Variants in RARB observed in about 807,000 individuals in gnomAD.
RARB encodes retinoic acid receptor beta.
RARB carries 17 observed loss-of-function variants against 51.9 expected under a neutral mutation model. That is an observed-to-expected ratio of 0.33 (90% CI 0.22 to 0.49). The LOEUF is 0.49. RARB is among the 20% of genes least tolerant of loss of function. The pLI, the probability that RARB is intolerant of heterozygous loss-of-function variation, is 0.99. For synonymous variants in RARB, 215 were observed against 195.4 expected, an observed-to-expected ratio of 1.10 and a Z score of -0.84; for missense variants, 369 against 550.8, an observed-to-expected ratio of 0.67 and a Z score of 3.30.
intron 5 of RARB, among the ~76,000 whole-genome samples, chr3:25,206,377 T>C (rs1247874246): frequency 6.6e-6 from 1 of 152,226 alleles, no homozygotes; most frequent in Non-Finnish European, 1.5e-5. Context: ...ATTACTCAGG[T>C]GACATTTTAA....
chr3:25,017,904 C>G (rs1186825023), intron 2 of RARB, among the ~76,000 whole-genome samples: 1 of 152,006 alleles, frequency 6.6e-6, no homozygotes, highest in South Asian at 2.1e-4. Context: ...AGGACAGAAC[C>G]CTTGTGAATA....
At chr3:25,209,249 A>G (rs1317877262) in intron 5 of RARB, among the ~76,000 whole-genome samples, 1 of 152,156 alleles carries the variant, frequency 6.6e-6, no homozygotes, top group Admixed American at 6.5e-5. Context: ...GATCCCTGGG[A>G]CCAGAGGAAG....
intron 2 of RARB, among the ~76,000 whole-genome samples, chr3:24,898,177 G>C (rs1056890746): frequency 1.3e-5 from 2 of 152,094 alleles, no homozygotes; most frequent in African/African-American, 4.8e-5. Context: ...AGACACTGCT[G>C]TGACTGATGC....
intron 2 of RARB, among the ~76,000 whole-genome samples, chr3:24,915,577 G>C (rs186810097): frequency 1.3e-5 from 2 of 152,160 alleles, no homozygotes; most frequent in Non-Finnish European, 2.9e-5. Flanking sequence ...TTGAACTAGA[G>C]ATATATGCCC....
chr3:25,070,021 A>G (rs2125307941), intron 3 of RARB, among the ~76,000 whole-genome samples: 1 of 152,208 alleles, frequency 6.6e-6, no homozygotes, highest in East Asian at 1.9e-4. Context: ...TCAAGGTATC[A>G]GGCAAGGCCA....
At chr3:25,189,891 G>C (rs1389038171) in intron 5 of RARB, among the ~76,000 whole-genome samples, 1 of 152,156 alleles carries the variant, frequency 6.6e-6, no homozygotes, top group African/African-American at 2.4e-5. Context: ...TCTCAAAAAG[G>C]AACAGGAAAG....
chr3:25,447,673 G>A (rs1196604288), intron 1 of RARB, among the ~76,000 whole-genome samples: 1 of 152,178 alleles, frequency 6.6e-6, no homozygotes, highest in African/African-American at 2.4e-5. Flanking sequence ...TTTCTGAGGG[G>A]GCTAGGCAGC....
intron 5 of RARB, among the ~76,000 whole-genome samples, chr3:25,306,038 G>C (rs1036139525): frequency 6.6e-6 from 1 of 152,102 alleles, no homozygotes; most frequent in Middle Eastern, 3.2e-3. Context: ...GAAAGAGTTT[G>C]GTAGTGTTAG....
chr3:24,895,615 CT>C (rs11295596), intron 2 of RARB, among the ~76,000 whole-genome samples: 53,116 of 124,892 alleles, frequency 0.43, 13,797 homozygotes, highest in African/African-American at 0.74. Context: ...ACAATTGGGT[CT>C]TTTTTTTTTT....
At chr3:25,331,702 C>T (rs1264296099) in intron 5 of RARB, among the ~76,000 whole-genome samples, 5 of 151,906 alleles carry the variant, frequency 3.3e-5, no homozygotes, top group East Asian at 1.9e-4. Flanking sequence ...GATAGAGACA[C>T]AAAAAACCCT....
rs142933000 is a variant in RARB at position 25,278,776 on chromosome 3, A to G, written c.178+104201A>G. 2.2e-4 allele frequency among the ~76,000 whole-genome samples: 33 copies of G among 152,336 alleles called. 1 individual carries two copies. The East Asian group carries it at 6.2e-3, about 28-fold the overall frequency. On this transcript the variant is annotated intron_variant, in intron 5 of 11. Transcript: ENST00000383772. Reference sequence around the variant, plus strand: ...TGGCCTTGTGAGCATATGAAAGAACATAGCTGGGCCAGCACATTCTACTCA... The same window carrying G: ...TGGCCTTGTGAGCATATGAAAGAACGTAGCTGGGCCAGCACATTCTACTCA...
intron 5 of RARB, among the ~76,000 whole-genome samples, chr3:25,331,522 A>G (rs1704894873): frequency 6.6e-6 from 1 of 152,258 alleles, no homozygotes; most frequent in Non-Finnish European, 1.5e-5. Context: ...ACACATGTAA[A>G]GCAGTGTGTA....
intron 5 of RARB, among the ~76,000 whole-genome samples, chr3:25,414,967 G>A (rs754386108): frequency 2.6e-5 from 4 of 152,152 alleles, no homozygotes; most frequent in East Asian, 1.9e-4. Context: ...TCAGCCTCCC[G>A]AGTAGCTGGG....
chr3:25,146,511 G>GTTTTTT lies in RARB; in HGVS notation c.-280+14311_-280+14316dup, dbSNP rs1197635626. ...TGCTAAGTTTTTTGTTTGTTTGTTT[G>GTTTTTT]TTTTTTTTTTTTTGAGACAAGAGTC... On this transcript the variant is annotated intron_variant, in intron 4 of 11. Coordinates refer to the RARB transcript ENST00000383772. Among the ~76,000 whole-genome samples the GTTTTTT allele has an allele frequency of 2.4e-4, 32 of 134,554 alleles. 1 individual carries two copies. Among genetic ancestry groups the GTTTTTT allele is most frequent in the African/African-American group, 7.9e-4 (29 of 36,854 alleles). 88.3% of individuals were successfully genotyped at this position (134,554 alleles called of 152,430 possible). A position where few individuals can be genotyped will look rare whatever the true frequency, so the allele number is the denominator to read the frequency against.
At chr3:25,222,025 T>C (rs745634489) in intron 5 of RARB, among the ~76,000 whole-genome samples, 1 of 152,196 alleles carries the variant, frequency 6.6e-6, no homozygotes, top group Non-Finnish European at 1.5e-5. Flanking sequence ...CCTCCTTTCA[T>C]GGGAGCGTAA....
At chr3:24,921,279 T>C (rs1180890409) in intron 2 of RARB, among the ~76,000 whole-genome samples, 2 of 152,168 alleles carry the variant, frequency 1.3e-5, no homozygotes, top group African/African-American at 4.8e-5. Flanking sequence ...TACATACTTT[T>C]ATTCTGTAGC....
intron 2 of RARB, among the ~76,000 whole-genome samples, chr3:25,466,695 C>T (rs1369905077): frequency 6.6e-6 from 1 of 152,178 alleles, no homozygotes; most frequent in Non-Finnish European, 1.5e-5. Context: ...TACCCTAGTA[C>T]AGAGGTTGCC....
At chr3:24,866,401 A>G (rs766693303) in intron 2 of RARB, among the ~76,000 whole-genome samples, 8 of 152,116 alleles carry the variant, frequency 5.3e-5, no homozygotes, top group Non-Finnish European at 1.0e-4. Flanking sequence ...TTAAACTGAC[A>G]TGTATACAGG....
intron 3 of RARB, among the ~76,000 whole-genome samples, chr3:25,078,708 T>A (rs760484435): frequency 6.6e-6 from 1 of 152,098 alleles, no homozygotes; most frequent in Non-Finnish European, 1.5e-5. Flanking sequence ...ATTTTGTATT[T>A]TTAGTAGAGA....
Sources: gnomAD v4.1 joint callset for allele counts (sites outside exome capture counted in the v4.1 genomes callset) on GRCh38, gnomAD v4.1.1 for gene constraint, MANE v1.5 for transcripts, NCBI Gene and HGNC (gene_info 2026-07-23, HGNC 2026-07-21) for gene names.